ANGPT1: variants seen among roughly 807,000 people sequenced by gnomAD.
ANGPT1 encodes the protein angiopoietin 1, also known as angiopoietin-1.
Under a neutral mutation model 62.2 loss-of-function variants are expected in ANGPT1, and 17 were observed. That is an observed-to-expected ratio of 0.27 (90% confidence interval 0.19 to 0.41). ANGPT1 has a LOEUF of 0.41. Ranked by LOEUF, ANGPT1 falls within the 10% of genes least tolerant of loss-of-function variation. The pLI is 1.00. For synonymous variants in ANGPT1, 199 were observed against 198.9 expected (o/e 1.00, Z 0.00); for missense variants, 478 against 594.9 (o/e 0.80, Z 2.04).
chr8:107,377,960 T>C (rs1037365992), intron 1 of ANGPT1, among the ~76,000 whole-genome samples: 1 of 152,208 alleles, frequency 6.6e-6, no homozygotes, highest in African/African-American at 2.4e-5. Flanking sequence ...TTGACTCCAT[T>C]GCACTGGCAT....
At chr8:107,376,383 G>A (rs891289163) in intron 1 of ANGPT1, among the ~76,000 whole-genome samples, 3 of 152,148 alleles carry the variant, frequency 2.0e-5, no homozygotes, top group African/African-American at 7.2e-5. Context: ...AGAGATTGCT[G>A]CAATTTAGAG....
chr8:107,493,544 C>T (rs1813019498), intron 1 of ANGPT1, among the ~76,000 whole-genome samples: 2 of 150,512 alleles, frequency 1.3e-5, no homozygotes, highest in South Asian at 4.4e-4. Flanking sequence ...CAAAAATAAC[C>T]ATAGGTTATA....
intron 1 of ANGPT1, among the ~76,000 whole-genome samples, chr8:107,422,626 TG>T (rs1178025128): frequency 6.6e-6 from 1 of 152,156 alleles, no homozygotes; most frequent in Non-Finnish European, 1.5e-5. Context: ...CGCCCACATT[TG>T]TAAATTTGCT....
intron 1 of ANGPT1, among the ~76,000 whole-genome samples, chr8:107,381,932 T>A (rs186269481): frequency 5.3e-5 from 8 of 152,296 alleles, no homozygotes; most frequent in Admixed American, 1.3e-4. Flanking sequence ...TTCCTCTATA[T>A]GTGAGTGGTC....
At chr8:107,472,183 C>T (rs1270254413) in intron 1 of ANGPT1, among the ~76,000 whole-genome samples, 1 of 151,996 alleles carries the variant, frequency 6.6e-6, no homozygotes, top group Non-Finnish European at 1.5e-5. Context: ...GTAGTATTGT[C>T]ATAACATTGG....
intron 1 of ANGPT1, among the ~76,000 whole-genome samples, chr8:107,371,025 C>T (rs1243480917): frequency 6.7e-6 from 1 of 149,606 alleles, no homozygotes; most frequent in Admixed American, 6.6e-5. Context: ...TGAAATAAAA[C>T]AAGGTAGGCC....
At chr8:107,253,300 C>T (rs181201930) in intron 8 of ANGPT1, among the ~76,000 whole-genome samples, 180 of 152,304 alleles carry the variant, frequency 1.2e-3, no homozygotes, top group Non-Finnish European at 2.2e-3. Context: ...GAAGGAGGAA[C>T]TGCAAGTAAA....
chr8:107,470,120 T>C (rs915896620), intron 1 of ANGPT1, among the ~76,000 whole-genome samples: 4 of 152,024 alleles, frequency 2.6e-5, no homozygotes, highest in Admixed American at 1.3e-4. Context: ...ACAGATCTGA[T>C]GTAATATTTT....
chr8:107,479,124 A>G (rs1188169711), intron 1 of ANGPT1, among the ~76,000 whole-genome samples: 1 of 148,600 alleles, frequency 6.7e-6, no homozygotes, highest in African/African-American at 2.4e-5. Flanking sequence ...GATTGTGGGT[A>G]ATGTTTATCT....
At chr8:107,263,891 G>C (rs1813554548) in intron 8 of ANGPT1, among the ~76,000 whole-genome samples, 1 of 152,094 alleles carries the variant, frequency 6.6e-6, no homozygotes, top group African/African-American at 2.4e-5. Flanking sequence ...TGTATATGCT[G>C]AGTTCCCAAA....
chr8:107,303,541 TA>T lies in ANGPT1; in HGVS notation c.809-175del, dbSNP rs879784739. 5.6e-3 allele frequency among the ~76,000 whole-genome samples: 789 copies of T among 141,994 alleles called. 6 individuals carry two copies. Among genetic ancestry groups the T allele is most frequent in the African/African-American group, 0.017 (673 of 38,754 alleles). 93.2% of individuals were successfully genotyped at this position (141,994 alleles called of 152,430 possible). ...TAGATTTTGAGGTAGCTTACAAAATTAAAAAAAAAAAACTGAAGGAAAAAGC... is the reference window on the plus strand; with the variant it reads ...TAGATTTTGAGGTAGCTTACAAAATTAAAAAAAAAAACTGAAGGAAAAAGC... On this transcript the variant is annotated intron_variant, in intron 4 of 8. Transcript: ENST00000517746.
chr8:107,346,498 C>G (rs1815806642), intron 2 of ANGPT1, among the ~76,000 whole-genome samples: 1 of 152,120 alleles, frequency 6.6e-6, no homozygotes, highest in South Asian at 2.1e-4. Flanking sequence ...ACATATTCCT[C>G]ATAACTTCAT....
In ANGPT1 at chr8:107,497,575, T is replaced by C; in HGVS notation, c.-17A>G. 5.0e-6 allele frequency: 8 copies of C among 1,606,920 alleles called. No homozygotes were observed. Among genetic ancestry groups the C allele is most frequent in the Non-Finnish European group, 6.0e-6 (7 of 1,175,398 alleles). On this transcript the variant is annotated 5_prime_UTR_variant, in exon 1 of 9. Transcript: ENST00000517746. ...AACTGTCATTGTACTGCCAGCACAC[T>C]CCTTCCGTGCCTCTCGCAAAACTTG...
At chr8:107,332,284 T>A (rs1815441154) in intron 3 of ANGPT1, among the ~76,000 whole-genome samples, 2 of 152,200 alleles carry the variant, frequency 1.3e-5, no homozygotes, top group East Asian at 3.8e-4. Flanking sequence ...AATTATATGG[T>A]TGAGTTACAG....
At chr8:107,360,471 C>T (rs1816139257) in intron 1 of ANGPT1, among the ~76,000 whole-genome samples, 1 of 152,172 alleles carries the variant, frequency 6.6e-6, no homozygotes, top group African/African-American at 2.4e-5. Flanking sequence ...CCGCTTTATT[C>T]AGCCCCATGT....
At chr8:107,398,844 G>A (rs1816988138) in intron 1 of ANGPT1, among the ~76,000 whole-genome samples, 1 of 152,168 alleles carries the variant, frequency 6.6e-6, no homozygotes, top group Non-Finnish European at 1.5e-5. Context: ...AGCCTCAGAA[G>A]ACACTGGGAC....
chr8:107,479,715 G>T (rs569296313), intron 1 of ANGPT1, among the ~76,000 whole-genome samples: 3 of 152,134 alleles, frequency 2.0e-5, no homozygotes, highest in Non-Finnish European at 4.4e-5. Flanking sequence ...AATTCCCAGA[G>T]ATTTTTATGA....
chr8:107,481,130 T>C (rs1364851977), intron 1 of ANGPT1, among the ~76,000 whole-genome samples: 2 of 152,100 alleles, frequency 1.3e-5, no homozygotes, highest in Admixed American at 1.3e-4. Flanking sequence ...TGCTAATTCA[T>C]CTCATCAAAC....
At chr8:107,401,137 A>T (rs1394695554) in intron 1 of ANGPT1, among the ~76,000 whole-genome samples, 3 of 152,098 alleles carry the variant, frequency 2.0e-5, no homozygotes, top group African/African-American at 7.2e-5. Context: ...TTGCTTTTTG[A>T]CAACCAAGAA....
Sources: gnomAD v4.1 joint callset for allele counts (sites outside exome capture counted in the v4.1 genomes callset) on GRCh38, gnomAD v4.1.1 for gene constraint, MANE v1.5 for transcripts, NCBI Gene and HGNC (gene_info 2026-07-23, HGNC 2026-07-21) for gene names.